CTNNA3: variants seen among roughly 807,000 people sequenced by gnomAD.
The protein encoded by CTNNA3 is catenin alpha 3.
Under a neutral mutation model 95.7 loss-of-function variants are expected in CTNNA3, and 76 were observed. The ratio of observed to expected loss-of-function variants is 0.79; its 90% CI spans 0.66 to 0.96. CTNNA3 has a LOEUF of 0.96. Among genes scored for constraint, CTNNA3 ranks in the 40% least tolerant of loss-of-function variants. CTNNA3 has a pLI of 0.00. For missense variants in CTNNA3, 1,191 were observed against 1,089.8 expected (o/e 1.09, Z -1.31); for synonymous variants, 431 against 374.4 (o/e 1.15, Z -1.74).
intron 9 of CTNNA3, among the ~76,000 whole-genome samples, chr10:66,762,660 C>A (rs915025113): frequency 5.3e-5 from 8 of 151,722 alleles, no homozygotes; most frequent in Non-Finnish European, 1.0e-4. Flanking sequence ...CCTCCTCATT[C>A]CCGTTTGTTT....
chr10:67,585,633 A>T lies in CTNNA3; in HGVS notation c.292+21224T>A, dbSNP rs115109384. On this transcript the variant is annotated intron_variant, in intron 3 of 17. Transcript: ENST00000433211. Reference sequence around the variant, plus strand: ...AGTGTGTGAGTATATCAATATTTATAATCGTCTCTGATGATCATTTGTATT... The same window carrying T: ...AGTGTGTGAGTATATCAATATTTATTATCGTCTCTGATGATCATTTGTATT... 7.4e-3 allele frequency among the ~76,000 whole-genome samples: 1,120 copies of T among 152,214 alleles called. 17 individuals are homozygous for T. Among genetic ancestry groups the T allele is most frequent in the African/African-American group, 0.026 (1,071 of 41,546 alleles).
At chr10:67,437,086 T>C (rs1200318139) in intron 5 of CTNNA3, among the ~76,000 whole-genome samples, 4 of 152,192 alleles carry the variant, frequency 2.6e-5, no homozygotes, top group Non-Finnish European at 4.4e-5. Context: ...TGCCCATCAA[T>C]CAATGAGTGG....
At chr10:66,463,963 A>C (rs2093546872) in intron 11 of CTNNA3, among the ~76,000 whole-genome samples, 1 of 151,904 alleles carries the variant, frequency 6.6e-6, no homozygotes, top group South Asian at 2.1e-4. Flanking sequence ...ATGGATATTT[A>C]ATAGCTTGGT....
chr10:67,415,298 CAA>C (rs1311591440), intron 5 of CTNNA3, among the ~76,000 whole-genome samples: 4 of 152,162 alleles, frequency 2.6e-5, no homozygotes, highest in Non-Finnish European at 4.4e-5. Context: ...GCAACTTTAG[CAA>C]AGTTTCAGGA....
chr10:66,198,769 A>C (rs897070325), intron 13 of CTNNA3, among the ~76,000 whole-genome samples: 1 of 152,200 alleles, frequency 6.6e-6, no homozygotes, highest in Non-Finnish European at 1.5e-5. Context: ...AATTATATAC[A>C]ATGTACTTTA....
At chr10:67,161,630 C>T (rs938507419) in intron 7 of CTNNA3, among the ~76,000 whole-genome samples, 1 of 151,762 alleles carries the variant, frequency 6.6e-6, no homozygotes, top group African/African-American at 2.4e-5. Context: ...ACAGAGGGAA[C>T]AAACAGAAAA....
intron 13 of CTNNA3, among the ~76,000 whole-genome samples, chr10:66,127,530 C>G (rs1468546784): frequency 6.6e-6 from 1 of 151,784 alleles, no homozygotes; most frequent in Non-Finnish European, 1.5e-5. Flanking sequence ...CTGTCAAGTT[C>G]GCAAAAACAA....
rs552214949 is a variant in CTNNA3, at chr10:66,428,503, G to T, written c.1532-49151C>A. Among the ~76,000 whole-genome samples the T allele has an allele frequency of 6.8e-3, 1,031 of 152,254 alleles. 9 individuals are homozygous for T. Among genetic ancestry groups the T allele is most frequent in the Middle Eastern group, 0.02 (6 of 294 alleles). On this transcript the variant is annotated intron_variant, in intron 11 of 17. Coordinates refer to ENST00000433211, the MANE Select transcript of CTNNA3 (RefSeq NM_013266.4). ...TCCAAAATTGACCACATAGTTGGAA[G>T]TAAAGCACTCCTCAGCAAATGTAAA...
chr10:66,361,685 G>A (rs1414319062), intron 12 of CTNNA3, among the ~76,000 whole-genome samples: 3 of 151,516 alleles, frequency 2.0e-5, no homozygotes, highest in Non-Finnish European at 4.4e-5. Context: ...CTATAGGGGT[G>A]CACCACCACA....
At chr10:66,441,126 A>T (rs1444717492) in intron 11 of CTNNA3, among the ~76,000 whole-genome samples, 1 of 152,184 alleles carries the variant, frequency 6.6e-6, no homozygotes, top group Non-Finnish European at 1.5e-5. Flanking sequence ...TGAGGCCAGG[A>T]GTTTGAGACC....
In CTNNA3 at chr10:67,133,328, T is replaced by TTTATATATATATATATATATTTATAC. The variant is rs1554928689; in HGVS notation, c.1047+46988_1047+46989insGTATAAATATATATATATATATATAA. Among the ~76,000 whole-genome samples, 690 of 105,324 alleles carry TTTATATATATATATATATATTTATAC rather than the reference T, an allele frequency of 6.6e-3. 39 individuals are homozygous for TTTATATATATATATATATATTTATAC. Among genetic ancestry groups the TTTATATATATATATATATATTTATAC allele is most frequent in the African/African-American group, 0.023 (660 of 28,322 alleles). 69.1% of individuals were successfully genotyped at this position (105,324 alleles called of 152,430 possible). Reference sequence around the variant, plus strand: ...CCTGATATATATATATATATATTTATACACACACACACACAATGGTAGATA... The same window carrying TTTATATATATATATATATATTTATAC: ...CCTGATATATATATATATATATTTATTTATATATATATATATATATTTATACACACACACACACACAATGGTAGATA... On this transcript the variant is annotated intron_variant, in intron 7 of 17. Coordinates refer to ENST00000433211, the MANE Select transcript of CTNNA3 (RefSeq NM_013266.4).
At chr10:67,430,445 G>A (rs920477755) in intron 5 of CTNNA3, among the ~76,000 whole-genome samples, 22 of 151,970 alleles carry the variant, frequency 1.4e-4, no homozygotes, top group African/African-American at 4.8e-4. Context: ...AGAAGTATGG[G>A]ATCTTATTAT....
At chr10:67,180,255 AG>A in intron 7 of CTNNA3, 61 bp downstream of exon 7, 2 of 1,336,694 alleles carry the variant, frequency 1.5e-6, no homozygotes, top group South Asian at 2.3e-5. Context: ...AAAGTATCTC[AG>A]CCTATATTCA....
chr10:66,760,560 TTC>T (rs1319351727), intron 9 of CTNNA3, among the ~76,000 whole-genome samples: 2 of 152,182 alleles, frequency 1.3e-5, no homozygotes, highest in Non-Finnish European at 2.9e-5. Flanking sequence ...CCATATAATT[TTC>T]TCTTTTCTCC....
intron 1 of CTNNA3, among the ~76,000 whole-genome samples, chr10:67,727,924 T>C (rs142034425): frequency 0.046 from 5,760 of 123,896 alleles, 181 homozygotes; most frequent in African/African-American, 0.11. Context: ...TATTATATAT[T>C]ACATATTATA....
chr10:67,452,899 T>G (rs1330919232), intron 5 of CTNNA3, among the ~76,000 whole-genome samples: 1 of 152,118 alleles, frequency 6.6e-6, no homozygotes, highest in Non-Finnish European at 1.5e-5. Flanking sequence ...AATAGCAAAT[T>G]AAAAATTATA....
chr10:66,464,028 CT>C (rs936860810), intron 11 of CTNNA3, among the ~76,000 whole-genome samples: 14 of 152,028 alleles, frequency 9.2e-5, no homozygotes, highest in South Asian at 4.1e-4. Flanking sequence ...TTGATTAAAA[CT>C]TACTTATTAC....
chr10:66,481,597 G>A (rs1252222325), intron 11 of CTNNA3, among the ~76,000 whole-genome samples: 4 of 143,074 alleles, frequency 2.8e-5, no homozygotes, highest in Admixed American at 6.9e-5. Flanking sequence ...TCAGCCTCCC[G>A]AGTAGCTGGG....
intron 5 of CTNNA3, among the ~76,000 whole-genome samples, chr10:67,220,211 T>C (rs939231382): frequency 6.6e-6 from 1 of 152,220 alleles, no homozygotes; most frequent in African/African-American, 2.4e-5. Flanking sequence ...GGAGCTTGAA[T>C]TACAAGGATG....
Sources: gnomAD v4.1 joint callset for allele counts (sites outside exome capture counted in the v4.1 genomes callset) on GRCh38, gnomAD v4.1.1 for gene constraint, MANE v1.5 for transcripts, NCBI Gene and HGNC (gene_info 2026-07-23, HGNC 2026-07-21) for gene names.